The following SEMA3E variants were observed in gnomAD, a reference collection of about 807,000 sequenced individuals.
SEMA3E encodes the protein semaphorin 3E, also known as semaphorin-3E.
A neutral mutation model predicts 93.6 loss-of-function variants in SEMA3E; 49 were observed. That is an observed-to-expected ratio of 0.52 (90% CI 0.42 to 0.66). The LOEUF (loss-of-function observed/expected upper bound fraction) is 0.66, where lower values mean the gene tolerates loss of function less well. Ranked by LOEUF, SEMA3E falls within the 30% of genes least tolerant of loss-of-function variation. SEMA3E has a pLI of 0.00. For missense variants in SEMA3E, 906 were observed against 964.8 expected, an observed-to-expected ratio of 0.94 and a Z score of 0.81; for synonymous variants, 363 against 330.7, an observed-to-expected ratio of 1.10 and a Z score of -1.06.
chr7:83,422,974 A>T, intron 4 of SEMA3E, among the ~76,000 whole-genome samples: 1 of 152,184 alleles, frequency 6.6e-6, no homozygotes, highest in East Asian at 1.9e-4. Flanking sequence ...AGAAATCATA[A>T]TATAGGTTCT....
intron 1 of SEMA3E, among the ~76,000 whole-genome samples, chr7:83,536,304 T>C (rs1220795399): frequency 1.3e-5 from 2 of 152,092 alleles, no homozygotes; most frequent in Non-Finnish European, 2.9e-5. Flanking sequence ...TGAATTTAGT[T>C]GGCCAGGAGA....
intron 16 of SEMA3E, among the ~76,000 whole-genome samples, chr7:83,373,590 G>A (rs1794779235): frequency 6.6e-6 from 1 of 151,956 alleles, no homozygotes; most frequent in African/African-American, 2.4e-5. Context: ...CACACTACGT[G>A]GAGAAGAACA....
chr7:83,560,257 T>G (rs2115832033), intron 1 of SEMA3E, among the ~76,000 whole-genome samples: 1 of 152,190 alleles, frequency 6.6e-6, no homozygotes, highest in Non-Finnish European at 1.5e-5. Context: ...TTCATCAGTT[T>G]TAACAAATGT....
chr7:83,489,320 A>G (rs1790329394), intron 2 of SEMA3E, among the ~76,000 whole-genome samples: 1 of 152,072 alleles, frequency 6.6e-6, no homozygotes, highest in Admixed American at 6.6e-5. Flanking sequence ...AAGAACCAGA[A>G]GAAACAACAA....
Position 83,392,706 on chromosome 7 carries a change from C to T in SEMA3E, c.1516G>A (p.Gly506Arg). Residue 506 changes from glycine to arginine, a missense_variant, in exon 14 of 17, where the codon GGA becomes AGA. Coordinates refer to ENST00000643230, the MANE Select transcript of SEMA3E (RefSeq NM_012431.3). ...ISSKRQQLYI[G>R]SASAVAQVRF... The stretch of plus-strand genomic sequence containing the variant: ...ACTTGAGCCACAGCAGAAGCAGATC[C>T]AATATACAGCTGTTGCTACAGAAAT... The T allele has an allele frequency of 6.2e-7, 1 of 1,613,724 alleles. No individual in the cohort carries two copies. Among genetic ancestry groups the T allele is most frequent in the South Asian group, 1.1e-5 (1 of 91,082 alleles).
chr7:83,412,017 A>G (rs1935227273), intron 5 of SEMA3E, among the ~76,000 whole-genome samples: 1 of 152,162 alleles, frequency 6.6e-6, no homozygotes, highest in South Asian at 2.1e-4. Context: ...CTGTTTGACC[A>G]CCACAAACTG....
intron 1 of SEMA3E, among the ~76,000 whole-genome samples, chr7:83,505,872 G>A (rs1287604474): frequency 1.3e-5 from 2 of 151,344 alleles, no homozygotes; most frequent in East Asian, 1.9e-4. Context: ...AAAATTAGCC[G>A]GGTGTGGTGC....
chr7:83,621,866 T>G (rs1793564049), intron 1 of SEMA3E, among the ~76,000 whole-genome samples: 1 of 152,176 alleles, frequency 6.6e-6, no homozygotes, highest in South Asian at 2.1e-4. Context: ...GATTTAAATG[T>G]AAAACCCATA....
At chr7:83,424,720 G>A (rs1273717072) in intron 4 of SEMA3E, among the ~76,000 whole-genome samples, 3 of 152,126 alleles carry the variant, frequency 2.0e-5, no homozygotes, top group Non-Finnish European at 4.4e-5. Flanking sequence ...CCTTGAGGAG[G>A]GGAAACTACC....
chr7:83,479,770 A>G (rs1262778021), intron 2 of SEMA3E, among the ~76,000 whole-genome samples: 2 of 152,328 alleles, frequency 1.3e-5, no homozygotes, highest in Non-Finnish European at 2.9e-5. Flanking sequence ...AGCCCTAACA[A>G]TGTGGCTATA....
intron 1 of SEMA3E, among the ~76,000 whole-genome samples, chr7:83,509,020 T>G (rs372809541): frequency 6.6e-6 from 1 of 152,176 alleles, no homozygotes; most frequent in Non-Finnish European, 1.5e-5. Flanking sequence ...AGGGGGAACA[T>G]GTAAAGGGCC....
chr7:83,599,784 G>C (rs1792944949), intron 1 of SEMA3E, among the ~76,000 whole-genome samples: 1 of 152,110 alleles, frequency 6.6e-6, no homozygotes, highest in Non-Finnish European at 1.5e-5. Flanking sequence ...CCTTGCATGA[G>C]GTCTTGCTAA....
chr7:83,409,660 A>T (rs1257924979), intron 5 of SEMA3E, among the ~76,000 whole-genome samples: 1 of 152,044 alleles, frequency 6.6e-6, no homozygotes, highest in African/African-American at 2.4e-5. Flanking sequence ...ATATCTAATT[A>T]TGTAATTAAT....
intron 3 of SEMA3E, among the ~76,000 whole-genome samples, chr7:83,467,964 G>A (rs1418260158): frequency 4.6e-5 from 7 of 152,152 alleles, no homozygotes; most frequent in African/African-American, 1.4e-4. Context: ...GCATTCTTTT[G>A]ACAAATTAGG....
intron 9 of SEMA3E, among the ~76,000 whole-genome samples, chr7:83,404,599 T>C (rs3801487): frequency 0.1 from 15,554 of 151,952 alleles, 898 homozygotes; most frequent in East Asian, 0.15. Context: ...TGTGTCAAAA[T>C]ATATGAAATA....
intron 4 of SEMA3E, among the ~76,000 whole-genome samples, chr7:83,437,129 T>G (rs192986685): frequency 6.6e-5 from 10 of 152,196 alleles, no homozygotes; most frequent in Admixed American, 2.6e-4. Context: ...AAGATGAGAT[T>G]TGGGTCAGGA....
chr7:83,482,564 C>A (rs1459138124), intron 2 of SEMA3E, among the ~76,000 whole-genome samples: 72 of 80,210 alleles, frequency 9.0e-4, no homozygotes, highest in Admixed American at 1.8e-3. Context: ...CACTCCGTCT[C>A]AAAAAAAAAA....
At chr7:83,573,707 A>G (rs1792335150) in intron 1 of SEMA3E, among the ~76,000 whole-genome samples, 1 of 152,038 alleles carries the variant, frequency 6.6e-6, no homozygotes, top group Admixed American at 6.6e-5. Flanking sequence ...TTACCTTTTT[A>G]GGGTAACTAC....
At chr7:83,373,136 A>G (rs1794772876) in intron 16 of SEMA3E, 1 of 150,440 alleles carries the variant, frequency 6.6e-6, no homozygotes, top group Non-Finnish European at 1.5e-5. Context: ...AGTATGTTTT[A>G]TAATTTCTAG....
Sources: gnomAD v4.1 joint callset for allele counts (sites outside exome capture counted in the v4.1 genomes callset) on GRCh38, gnomAD v4.1.1 for gene constraint, MANE v1.5 for transcripts, NCBI Gene and HGNC (gene_info 2026-07-23, HGNC 2026-07-21) for gene names.